Variants in SLC9D1 observed in about 807,000 individuals in gnomAD.
The protein encoded by SLC9D1 is putative LAG1-interacting protein.
the SLC9D1 span, chr13:113,495,504 G>A: frequency 9.9e-7 from 1 of 1,010,392 alleles, no homozygotes; most frequent in Non-Finnish European, 1.5e-6. Flanking sequence ...TTTTTCAGCT[G>A]AAAATGTGTG....
At chr13:113,501,427 C>G in the SLC9D1 span, among the ~76,000 whole-genome samples, 1 of 152,046 alleles carries the variant, frequency 6.6e-6, no homozygotes, top group Non-Finnish European at 1.5e-5. Context: ...CATACCATCC[C>G]GTTTTGTATC....
the SLC9D1 span, among the ~76,000 whole-genome samples, chr13:113,546,371 G>C: frequency 6.6e-6 from 1 of 152,032 alleles, no homozygotes; most frequent in Non-Finnish European, 1.5e-5. This position sits in a 1 kb window ranked among gnomAD's most constrained non-coding sequence, Gnocchi z 7.1. Flanking sequence ...GCCGGGGTAG[G>C]AGGGGCCGTG....
At chr13:113,530,592 AT>A in the SLC9D1 span, 5 of 152,170 alleles carry the variant, frequency 3.3e-5, no homozygotes, top group African/African-American at 9.7e-5. Context: ...TATATTTAAA[AT>A]ATCAAAGAAA....
chr13:113,549,655 A>G, the SLC9D1 span: 1 of 1,195,044 alleles, frequency 8.4e-7, no homozygotes, highest in Non-Finnish European at 1.3e-6. Flanking sequence ...GCCCTCTAGC[A>G]GAGCGTCAGT....
the SLC9D1 span, among the ~76,000 whole-genome samples, chr13:113,512,161 C>T: frequency 0.14 from 18,172 of 130,020 alleles, 1,557 homozygotes; most frequent in Admixed American, 0.24. Context: ...CTCGGAGTCG[C>T]GGGGGCCGGG....
chr13:113,519,282 G>T, the SLC9D1 span, among the ~76,000 whole-genome samples: 1 of 151,316 alleles, frequency 6.6e-6, no homozygotes, highest in South Asian at 2.1e-4. Flanking sequence ...CTGACCTCAG[G>T]TGATCTACCC....
the SLC9D1 span, chr13:113,528,628 G>A: frequency 1.3e-5 from 2 of 152,234 alleles, no homozygotes; most frequent in Non-Finnish European, 2.9e-5. Context: ...AAGACTGAAA[G>A]AGAAAACCAG....
chr13:113,502,859 C>T, the SLC9D1 span, among the ~76,000 whole-genome samples: 1 of 152,166 alleles, frequency 6.6e-6, no homozygotes, highest in African/African-American at 2.4e-5. Context: ...GATCGCAGGG[C>T]GGCAGGAGGG....
the SLC9D1 span, among the ~76,000 whole-genome samples, chr13:113,531,249 G>A: frequency 2.6e-5 from 4 of 152,196 alleles, no homozygotes; most frequent in African/African-American, 7.2e-5. Flanking sequence ...TCACCTGTCC[G>A]CTGGCCAGAC....
the SLC9D1 span, among the ~76,000 whole-genome samples, chr13:113,519,412 A>G: frequency 1.3e-5 from 2 of 151,028 alleles, no homozygotes; most frequent in African/African-American, 4.9e-5. Flanking sequence ...TGACAATTTA[A>G]TTTTTAGAAG....
the SLC9D1 span, among the ~76,000 whole-genome samples, chr13:113,543,773 T>A: frequency 6.6e-6 from 1 of 151,460 alleles, no homozygotes; most frequent in Non-Finnish European, 1.5e-5. Flanking sequence ...ATCTAAAATT[T>A]CATAAATATG....
the SLC9D1 span, among the ~76,000 whole-genome samples, chr13:113,502,206 T>C: frequency 6.6e-6 from 1 of 151,396 alleles, no homozygotes; most frequent in African/African-American, 2.4e-5. Context: ...TTAACCGTTT[T>C]TGTTGTTGTT....
At chr13:113,501,900 GTT>G in the SLC9D1 span, 1 of 1,590,530 alleles carries the variant, frequency 6.3e-7, no homozygotes, top group Non-Finnish European at 8.6e-7. Flanking sequence ...AAATTGGATT[GTT>G]TTGGTATCTG....
the SLC9D1 span, among the ~76,000 whole-genome samples, chr13:113,523,264 C>T: frequency 6.6e-6 from 1 of 152,022 alleles, no homozygotes; most frequent in African/African-American, 2.4e-5. Context: ...TGGTAGAATT[C>T]TGCAGTAAAA....
At chr13:113,535,037 C>G in the SLC9D1 span, 1 of 152,152 alleles carries the variant, frequency 6.6e-6, no homozygotes, top group Non-Finnish European at 1.5e-5. This position sits in a 1 kb window ranked among gnomAD's most constrained non-coding sequence, Gnocchi z 4.1. Context: ...GAGCCAAGAT[C>G]GTGCCACTGC....
chr13:113,546,983 A>C, the SLC9D1 span, among the ~76,000 whole-genome samples: 1 of 152,086 alleles, frequency 6.6e-6, no homozygotes, highest in Non-Finnish European at 1.5e-5. This position sits in a 1 kb window ranked among gnomAD's most constrained non-coding sequence, Gnocchi z 7.1. Context: ...CCTCAGCTGG[A>C]ATATTTCCTG....
At chr13:113,547,248 C>T in the SLC9D1 span, 7 of 1,346,326 alleles carry the variant, frequency 5.2e-6, no homozygotes, top group African/African-American at 2.9e-5. Flanking sequence ...AAATAGTGTG[C>T]GCTGGGGGAG....
At chr13:113,512,596 G>A in the SLC9D1 span, among the ~76,000 whole-genome samples, 1 of 151,810 alleles carries the variant, frequency 6.6e-6, no homozygotes, top group Non-Finnish European at 1.5e-5. Context: ...GGGGGCCGGA[G>A]TGTAAACGGA....
the SLC9D1 span, chr13:113,548,326 GTC>G: frequency 6.8e-6 from 11 of 1,613,946 alleles, no homozygotes; most frequent in Non-Finnish European, 9.3e-6. Context: ...CGCTGGTCCT[GTC>G]TCTCATTCTG....
Sources: gnomAD v4.1 joint callset for allele counts (sites outside exome capture counted in the v4.1 genomes callset) on GRCh38, gnomAD v4.1.1 for gene constraint, Gnocchi (gnomAD v3.1) non-coding constraint, MANE v1.5 for transcripts, NCBI Gene and HGNC (gene_info 2026-07-23, HGNC 2026-07-21) for gene names.